Variants in EIF3K observed in about 807,000 individuals in gnomAD.
EIF3K encodes eIF-3 p28.
EIF3K carries 27 observed loss-of-function variants against 34.2 expected under a neutral mutation model. That is an observed-to-expected ratio of 0.79 (90% CI 0.58 to 1.09). EIF3K has a LOEUF of 1.09. EIF3K is among the 50% of genes least tolerant of loss of function. The pLI, the probability that EIF3K is intolerant of heterozygous loss-of-function variation, is 0.00. For missense variants in EIF3K, 232 were observed against 275.4 expected, an observed-to-expected ratio of 0.84 and a Z score of 1.11; for synonymous variants, 105 against 105.7, an observed-to-expected ratio of 0.99 and a Z score of 0.04.
At chr19:38,622,668 T>C (rs1391077588) in intron 2 of EIF3K, among the ~76,000 whole-genome samples, 1 of 152,214 alleles carries the variant, frequency 6.6e-6, no homozygotes, top group Non-Finnish European at 1.5e-5. Context: ...TAGGCGGGAA[T>C]TTCCTCTTCC....
intron 4 of EIF3K, 158 bp from the exon 5 acceptor site, chr19:38,632,272 T>C: frequency 1.5e-6 from 1 of 665,408 alleles, no homozygotes; most frequent in Non-Finnish European, 2.6e-6. Context: ...AGCAACAAAA[T>C]CTTAGCACTT....
In EIF3K at chr19:38,619,237, T is replaced by C; in HGVS notation, c.-32T>C. 6.2e-7 allele frequency: 1 copy of C among 1,613,318 alleles called. No individual in the cohort carries two copies. The highest frequency in any genetic ancestry group is 8.5e-7 in the Non-Finnish European group (1 of 1,179,514). The stretch of plus-strand genomic sequence containing the variant: ...ACGCCGTGCCGGGTCAGTGTTAGCC[T>C]CCAGCCCTGGTTGTGGAAGGCGACA... On this transcript the variant is annotated 5_prime_UTR_variant, in exon 1 of 8. Coordinates refer to ENST00000248342, the MANE Select transcript of EIF3K (RefSeq NM_013234.4).
intron 7 of EIF3K, among the ~76,000 whole-genome samples, chr19:38,635,971 G>A (rs1046448131): frequency 7.2e-5 from 11 of 152,196 alleles, no homozygotes; most frequent in Admixed American, 7.2e-4. Context: ...TTGGTACAAC[G>A]TGGTTTCTTA....
At chr19:38,630,339 A>ATTTTTTTTT (rs1489845622) in intron 4 of EIF3K, among the ~76,000 whole-genome samples, 9 of 136,564 alleles carry the variant, frequency 6.6e-5, no homozygotes, top group South Asian at 4.7e-4. Flanking sequence ...TTATTTATTT[A>ATTTTTTTTT]TTTATTTATT....
intron 4 of EIF3K, among the ~76,000 whole-genome samples, chr19:38,631,666 T>A (rs1331192575): frequency 6.6e-6 from 1 of 152,200 alleles, no homozygotes; most frequent in Non-Finnish European, 1.5e-5. Flanking sequence ...CTAATCCTCC[T>A]CAGCACAGAC....
chr19:38,632,666 G>T lies in EIF3K; in HGVS notation c.487G>T (p.Gly163Trp). 1 of 1,613,204 alleles carries T rather than the reference G, an allele frequency of 6.2e-7. No homozygotes were observed. The highest frequency in any genetic ancestry group is 8.5e-7 in the Non-Finnish European group (1 of 1,179,604). The change falls in exon 6 of 8, where the codon GGG (glycine) becomes TGG (tryptophan). Residue 163 changes from glycine to tryptophan, a missense_variant. By Grantham distance (184) the Gly-to-Trp change is radical (BLOSUM62 -2). Transcript: ENST00000248342. ...IDRWLLAEML[G>W]DLSDSQLKVW... is the part of the protein sequence containing the mutation. Reference sequence around the variant, plus strand: ...CCGCTGGCTGCTGGCCGAGATGCTCGGGGATCTGTCGGGTAACGCCCTCTG... The same window carrying T: ...CCGCTGGCTGCTGGCCGAGATGCTCTGGGATCTGTCGGGTAACGCCCTCTG...
chr19:38,635,484 G>C (rs139102372), intron 7 of EIF3K: 103 of 349,674 alleles, frequency 2.9e-4, no homozygotes, highest in African/African-American at 8.4e-4. Flanking sequence ...GGAATCCGGT[G>C]AACAGTAGGA....
rs766465596 is a variant in EIF3K at position 38,620,388 on chromosome 19, C to A, written c.111C>A (p.Ala37=). ...TGGAGCGCTATGTAGAGACGCAGGC[C>A]AAGGAAAATGCCTATGATCTGGAAG... is the stretch of plus-strand genomic sequence containing the variant. ...ATLERYVETQ[A]KENAYDLEAN... The change falls in exon 2 of 8, where the codon GCC becomes GCA. Residue 37 remains alanine, a synonymous_variant. Transcript: ENST00000248342. 1 of 1,614,046 alleles carries A rather than the reference C, an allele frequency of 6.2e-7. No individual in the cohort carries two copies. Among genetic ancestry groups the A allele is most frequent in the Non-Finnish European group, 8.5e-7 (1 of 1,179,994 alleles).
intron 3 of EIF3K, among the ~76,000 whole-genome samples, chr19:38,625,603 G>A (rs780795944): frequency 4.0e-5 from 6 of 150,384 alleles, no homozygotes; most frequent in Admixed American, 6.7e-5. Flanking sequence ...TCCTCCTCCC[G>A]GGTTCAAGTG....
rs749544758 is a variant in EIF3K, at chr19:38,632,789, G to A, written c.499+111G>A. On this transcript the variant is annotated intron_variant, in intron 6 of 7. Coordinates refer to ENST00000248342, the MANE Select transcript of EIF3K (RefSeq NM_013234.4). ...GTCTGGGTCTCATCAGGTCAGCATG[G>A]AAGGCCCAGCCCAAGGAGGAAATAA... The A allele has an allele frequency of 2.7e-4, 256 of 952,160 alleles. 1 individual carries two copies. Among genetic ancestry groups the A allele is most frequent in the Non-Finnish European group, 6.2e-5 (40 of 646,030 alleles). 59.0% of individuals were successfully genotyped at this position (952,160 alleles called of 1,614,324 possible).
intron 2 of EIF3K, 138 bp from the exon 3 acceptor site, chr19:38,623,939 T>C (rs1387905894): frequency 7.4e-7 from 1 of 1,352,600 alleles, no homozygotes; most frequent in Admixed American, 2.0e-5. Flanking sequence ...GTTACACAGC[T>C]GGGAAGCACT....
At chr19:38,620,176 A>T (rs553934533) in intron 1 of EIF3K, among the ~76,000 whole-genome samples, 161 bp from the exon 2 acceptor site, 7 of 152,258 alleles carry the variant, frequency 4.6e-5, no homozygotes, top group East Asian at 3.9e-4. Flanking sequence ...TTTACTAGAG[A>T]TTATACTGGA....
rs747309675 is a variant in EIF3K, at chr19:38,624,188, C to T, written c.270C>T (p.Asp90=). Residue 90 remains aspartate (D), a synonymous_variant, in exon 3 of 8, where the codon GAC becomes GAT. Transcript: ENST00000248342. The part of the protein sequence containing the change: ...TDFTLCKCMI[D]QAHQEERPIR... ...TCACCCTGTGCAAGTGCATGATCGA[C>T]CAGGCACATGTATCCTTCCAGCACT... 4 of 1,614,042 alleles carry T rather than the reference C, an allele frequency of 2.5e-6. No homozygotes were observed. In the African/African-American group the frequency reaches 5.3e-5, roughly 22 times the overall value.
chr19:38,633,664 C>G lies in EIF3K; in HGVS notation c.499+986C>G, dbSNP rs574721836. 2.7e-5 allele frequency among the ~76,000 whole-genome samples: 4 copies of G among 147,920 alleles called. No individual in the cohort carries two copies. In the Admixed American group the frequency reaches 2.7e-4, roughly 10 times the overall value. On this transcript the variant is annotated intron_variant, in intron 6 of 7. Transcript: ENST00000248342. ...AGTGAGCTGAGATCGCACCATTGCA[C>G]TAGTGATAAGATCGAAACTCCATCT...
chr19:38,632,490 C>T lies in EIF3K; in HGVS notation c.415C>T (p.Arg139Ter), dbSNP rs759176086. ...EGITGFEDSV[R>*]KFICHVVGIT... ...TATAACTGGCTTTGAAGACTCTGTC[C>T]GAAAGTGTAAGTCCCTCTCTGAGGC... Residue 139 changes from arginine (R) to a stop codon, truncating the protein, a stop_gained, in exon 5 of 8, where the codon CGA becomes TGA. Transcript: ENST00000248342. LOFTEE classifies it high-confidence loss of function. 2.6e-5 allele frequency: 42 copies of T among 1,614,020 alleles called. No individual in the cohort carries two copies. The highest frequency in any genetic ancestry group is 3.3e-5 in the South Asian group (3 of 91,090).
chr19:38,619,814 A>T (rs1975799896), intron 1 of EIF3K, among the ~76,000 whole-genome samples: 1 of 152,246 alleles, frequency 6.6e-6, no homozygotes, highest in Non-Finnish European at 1.5e-5. Flanking sequence ...GGCGAATCAG[A>T]CAGCGGCAGA....
At chr19:38,635,329 C>G (rs1381120314) in intron 7 of EIF3K, 1 of 679,832 alleles carries the variant, frequency 1.5e-6, no homozygotes, top group East Asian at 2.7e-5. Context: ...CTTCTAGGCC[C>G]TGTGTCCTGC....
chr19:38,624,921 C>T (rs2144766609), intron 3 of EIF3K, among the ~76,000 whole-genome samples: 1 of 152,230 alleles, frequency 6.6e-6, no homozygotes, highest in East Asian at 1.9e-4. Flanking sequence ...GAAGGGAAGA[C>T]CTATTTTGCC....
At chr19:38,630,579 C>T (rs1352906888) in intron 4 of EIF3K, 2 of 152,038 alleles carry the variant, frequency 1.3e-5, no homozygotes, top group Admixed American at 1.3e-4. Flanking sequence ...CTCCTGACCT[C>T]ACGATCGCCC....
Sources: allele counts gnomAD v4.1 joint callset (sites outside exome capture counted in the v4.1 genomes callset), GRCh38; gene constraint gnomAD v4.1.1; transcripts MANE v1.5; gene names NCBI Gene and HGNC (gene_info 2026-07-23, HGNC 2026-07-21).